Variants in MAT2B observed in about 807,000 individuals in gnomAD.
MAT2B encodes the protein methionine adenosyltransferase 2 subunit beta.
Under a neutral mutation model 36.1 loss-of-function variants are expected in MAT2B, and 16 were observed. That is an observed-to-expected ratio of 0.44 (90% CI 0.30 to 0.67). MAT2B has a LOEUF of 0.67. Among genes scored for constraint, MAT2B ranks in the 30% least tolerant of loss-of-function variants. The probability of loss-of-function intolerance (pLI) is 0.09; values close to 1 mark genes in which losing one functional copy is unlikely to be tolerated. For missense variants in MAT2B, 332 were observed against 398.2 expected (o/e 0.83, Z 1.42); for synonymous variants, 148 against 136.9 (o/e 1.08, Z -0.57).
intron 1 of MAT2B, 66 bp downstream of exon 1, chr5:163,505,815 C>T: frequency 8.2e-7 from 1 of 1,213,586 alleles, no homozygotes; most frequent in South Asian, 4.2e-5. Flanking sequence ...GCCACCGGGG[C>T]TCGGGCGGCT....
chr5:163,511,117 TAAAA>T (rs938890048), intron 1 of MAT2B, among the ~76,000 whole-genome samples: 1 of 152,148 alleles, frequency 6.6e-6, no homozygotes, highest in Non-Finnish European at 1.5e-5. Context: ...AGCAAAAGTA[TAAAA>T]AAAGTTGCTG....
rs557742389 is a variant in MAT2B at position 163,512,345 on chromosome 5, A to T, written c.258+149A>T. ...TAGCATTTTTTTCATTTAGCATGAC[A>T]TGGTATATGTAAACCTTAAAGTTAA... On this transcript the variant is annotated intron_variant, in intron 2 of 6. Coordinates refer to ENST00000321757, the MANE Select transcript of MAT2B (RefSeq NM_013283.5). The T allele has an allele frequency of 3.2e-5, 22 of 683,178 alleles. No individual in the cohort carries two copies. In the South Asian group the frequency reaches 3.9e-4, roughly 12 times the overall value. The allele number at this position is 683,178 out of a possible 1,614,324, so 42.3% of individuals were successfully genotyped here.
At chr5:163,512,777 T>C (rs1227851106) in intron 2 of MAT2B, 2 of 421,314 alleles carry the variant, frequency 4.7e-6, no homozygotes, top group Non-Finnish European at 9.4e-6. Flanking sequence ...CCTCCCAGGG[T>C]TCAAGCAATT....
upstream of MAT2B, chr5:163,505,411 A>G: frequency 1.5e-6 from 1 of 674,500 alleles, no homozygotes; most frequent in African/African-American, 1.9e-5. Flanking sequence ...ACAAAACCTG[A>G]ATTCACTGCC....
intron 1 of MAT2B, among the ~76,000 whole-genome samples, chr5:163,510,974 T>C (rs535719172): frequency 9.2e-5 from 14 of 152,270 alleles, no homozygotes; most frequent in African/African-American, 3.1e-4. Context: ...GGCCTTAAAA[T>C]AGGTAAACTT....
In MAT2B at chr5:163,507,598, A is replaced by G. The variant is rs1759967871; in HGVS notation, c.63+1849A>G. On this transcript the variant is annotated intron_variant, in intron 1 of 6. Coordinates refer to ENST00000321757, the MANE Select transcript of MAT2B (RefSeq NM_013283.5). ...CAACTCTTTATTGTGCCTTGAGTGA[A>G]CTAGATAGCATTTTATTCTTTCATT... 2.0e-5 allele frequency among the ~76,000 whole-genome samples: 3 copies of G among 152,220 alleles called. 1 individual carries two copies. The highest frequency in any genetic ancestry group is 7.2e-5 in the African/African-American group (3 of 41,464).
chr5:163,506,716 T>G (rs1370710423), intron 1 of MAT2B, among the ~76,000 whole-genome samples: 1 of 152,240 alleles, frequency 6.6e-6, no homozygotes, highest in East Asian at 1.9e-4. Flanking sequence ...CTCCAGACCG[T>G]GCTGAGTGCA....
At chr5:163,507,237 T>C (rs1759962934) in intron 1 of MAT2B, among the ~76,000 whole-genome samples, 1 of 152,236 alleles carries the variant, frequency 6.6e-6, no homozygotes, top group African/African-American at 2.4e-5. Context: ...AGAACATTTT[T>C]AGTAGACATT....
At chr5:163,509,947 A>G (rs927793335) in intron 1 of MAT2B, among the ~76,000 whole-genome samples, 2 of 152,198 alleles carry the variant, frequency 1.3e-5, no homozygotes. Context: ...ATTTACCTTT[A>G]TACTATCTTT....
Position 163,518,321 on chromosome 5 carries a change from T to A in MAT2B, c.963T>A (p.Pro321=), listed in dbSNP as rs199689662. 2.4e-5 allele frequency: 39 copies of A among 1,613,398 alleles called. No individual in the cohort carries two copies. The Admixed American group carries it at 6.5e-4, about 27-fold the overall frequency. The part of the protein sequence containing the change: ...FRIGIKESLW[P]FLIDKRWRQT... The stretch of plus-strand genomic sequence containing the variant: ...TTGGAATCAAAGAATCACTTTGGCC[T>A]TTCCTCATTGACAAGAGATGGAGAC... The change falls in exon 7 of 7, where the codon CCT becomes CCA. Residue 321 remains proline, a synonymous_variant. Coordinates refer to ENST00000321757, the MANE Select transcript of MAT2B (RefSeq NM_013283.5).
intron 6 of MAT2B, 71 bp from the exon 7 acceptor site, chr5:163,518,122 G>A: frequency 9.1e-7 from 1 of 1,094,930 alleles, no homozygotes; most frequent in Non-Finnish European, 1.3e-6. Context: ...AAAAAGGTCA[G>A]GGGGAACAAA....
chr5:163,512,359 C>G, intron 2 of MAT2B, 163 bp downstream of exon 2: 2 of 634,554 alleles, frequency 3.2e-6, no homozygotes, highest in Non-Finnish European at 5.5e-6. Context: ...TATATGTAAA[C>G]CTTAAAGTTA....
At chr5:163,515,578 TTC>T (rs1760117300) in intron 4 of MAT2B, among the ~76,000 whole-genome samples, 2 of 152,128 alleles carry the variant, frequency 1.3e-5, no homozygotes, top group South Asian at 4.1e-4. Context: ...TTTAGGAATT[TTC>T]TCATTTATGC....
chr5:163,512,014 A>C lies in MAT2B; in HGVS notation c.76A>C (p.Ile26Leu), dbSNP rs774016489. The C allele has an allele frequency of 1.1e-5, 17 of 1,611,858 alleles. No homozygotes were observed. Among genetic ancestry groups the C allele is most frequent in the African/African-American group, 2.7e-5 (2 of 74,858 alleles). The stretch of plus-strand genomic sequence containing the variant: ...CTTCACCTTTTAGGAGGAAGTTAAC[A>C]TCCCTAATAGGAGGGTTCTGGTTAC... Reference protein sequence around the residue: ...SCRLVEEEVNIPNRRVLVTGA... With the variant: ...SCRLVEEEVNLPNRRVLVTGA... The change falls in exon 2 of 7, where the codon ATC (isoleucine) becomes CTC (leucine). Residue 26 changes from isoleucine to leucine, a missense_variant. Ile to Leu is a conservative substitution (Grantham distance 5). Coordinates refer to ENST00000321757, the MANE Select transcript of MAT2B (RefSeq NM_013283.5).
intron 1 of MAT2B, among the ~76,000 whole-genome samples, chr5:163,506,967 T>C (rs177249): frequency 2.0e-5 from 3 of 152,210 alleles, no homozygotes; most frequent in Admixed American, 6.5e-5. Context: ...TAGAGAAGCA[T>C]CCTGGAGTGG....
intron 1 of MAT2B, among the ~76,000 whole-genome samples, chr5:163,508,160 C>A (rs1301029599): frequency 1.3e-5 from 2 of 152,184 alleles, no homozygotes; most frequent in African/African-American, 4.8e-5. Flanking sequence ...AGCTTTTTCT[C>A]TTTTACTATA....
chr5:163,506,511 T>C (rs1407400783), intron 1 of MAT2B, among the ~76,000 whole-genome samples: 1 of 152,124 alleles, frequency 6.6e-6, no homozygotes, highest in Non-Finnish European at 1.5e-5. Flanking sequence ...ACAGAACATA[T>C]CCAACCCTGG....
chr5:163,512,602 C>A (rs1760063302), intron 2 of MAT2B: 3 of 399,614 alleles, frequency 7.5e-6, no homozygotes, highest in South Asian at 3.8e-5. Flanking sequence ...ATATTTAAAT[C>A]ATGTTAATTG....
rs375829232 is a variant in MAT2B at position 163,513,936 on chromosome 5, A to G, written c.468A>G (p.Leu156=). Residue 156 remains leucine, a synonymous_variant, in exon 4 of 7, where the codon CTA becomes CTG. Coordinates refer to ENST00000321757, the MANE Select transcript of MAT2B (RefSeq NM_013283.5). ...GAGAGGAAGACATACCAGCTCCCCT[A>G]AATTTGTATGGCAAAACAAAATTAG... is the stretch of plus-strand genomic sequence containing the variant. ...PYREEDIPAP[L]NLYGKTKLDG... is the part of the protein sequence containing the mutation. 6.2e-7 allele frequency: 1 copy of G among 1,613,692 alleles called. No individual in the cohort carries two copies. Among genetic ancestry groups the G allele is most frequent in the Non-Finnish European group, 8.5e-7 (1 of 1,179,758 alleles).
Sources: gnomAD v4.1 joint callset for allele counts (sites outside exome capture counted in the v4.1 genomes callset) on GRCh38, gnomAD v4.1.1 for gene constraint, MANE v1.5 for transcripts, NCBI Gene and HGNC (gene_info 2026-07-23, HGNC 2026-07-21) for gene names.